The following FAM107B variants were observed in gnomAD, a reference collection of about 807,000 sequenced individuals.
FAM107B encodes family with sequence similarity 107 member B.
In FAM107B, 21 loss-of-function variants were observed where a neutral mutation model predicts 31.5. The observed-to-expected ratio is 0.67, with a 90% CI of 0.47 to 0.96. The LOEUF (loss-of-function observed/expected upper bound fraction) is 0.96, where lower values mean the gene tolerates loss of function less well. Among genes scored for constraint, FAM107B ranks in the 40% least tolerant of loss-of-function variants. FAM107B has a pLI of 0.00. For missense variants in FAM107B, 452 were observed against 377.1 expected, an observed-to-expected ratio of 1.20 and a Z score of -1.64; for synonymous variants, 157 against 141.5, an observed-to-expected ratio of 1.11 and a Z score of -0.78.
intron 2 of FAM107B, among the ~76,000 whole-genome samples, chr10:14,602,204 A>C (rs572210680): frequency 6.6e-6 from 1 of 152,312 alleles, no homozygotes; most frequent in Admixed American, 6.5e-5. Flanking sequence ...CACTCCCCTG[A>C]GCGTGTGTGC....
At chr10:14,585,852 G>A (rs532235882) in intron 2 of FAM107B, among the ~76,000 whole-genome samples, 3 of 152,146 alleles carry the variant, frequency 2.0e-5, no homozygotes, top group East Asian at 1.9e-4. Context: ...ATTAATTGTC[G>A]ACCACAGCAG....
rs541743020 is a variant in FAM107B at position 14,520,891 on chromosome 10, G to C, written c.*299C>G. On this transcript the variant is annotated 3_prime_UTR_variant, in exon 5 of 5. Transcript: ENST00000181796. ...GTGCAACTCTCAAGAATTGATTCCA[G>C]TGTCCTCTTCCTTTTTCCTGTTCTC... 17 of 296,090 alleles carry C rather than the reference G, an allele frequency of 5.7e-5. No individual in the cohort carries two copies. The highest frequency in any genetic ancestry group is 9.3e-4 in the Middle Eastern group (1 of 1,076). The allele number at this position is 296,090 out of a possible 1,614,324, so 18.3% of individuals were successfully genotyped here.
At chr10:14,541,650 T>C (rs557141293) in intron 2 of FAM107B, among the ~76,000 whole-genome samples, 42 of 152,328 alleles carry the variant, frequency 2.8e-4, no homozygotes, top group African/African-American at 1.0e-3. Context: ...TCCCCGCCTG[T>C]GGGCTAATTT....
intron 3 of FAM107B, among the ~76,000 whole-genome samples, chr10:14,524,176 G>C (rs1235817209): frequency 6.6e-6 from 1 of 151,970 alleles, no homozygotes; most frequent in Non-Finnish European, 1.5e-5. Context: ...CGAGGAGCTG[G>C]GATTACAGGT....
chr10:14,765,837 C>T (rs1423558775), intron 1 of FAM107B, among the ~76,000 whole-genome samples: 1 of 152,154 alleles, frequency 6.6e-6, no homozygotes, highest in Non-Finnish European at 1.5e-5. Flanking sequence ...AGGTTTCATT[C>T]TAAAGAAATG....
intron 2 of FAM107B, among the ~76,000 whole-genome samples, chr10:14,626,040 G>C (rs1853153023): frequency 6.6e-6 from 1 of 152,158 alleles, no homozygotes; most frequent in East Asian, 1.9e-4. Context: ...TTGGGATACT[G>C]GGTCCCCCCA....
At chr10:14,663,113 C>T (rs1854290823) in intron 2 of FAM107B, among the ~76,000 whole-genome samples, 1 of 152,216 alleles carries the variant, frequency 6.6e-6, no homozygotes, top group African/African-American at 2.4e-5. Context: ...GGCCTTACAC[C>T]AGTGGTTTGC....
rs1832935852 is a variant in FAM107B, at chr10:14,756,610, C to T, written c.411+17643G>A. Among the ~76,000 whole-genome samples, 4 of 152,178 alleles carry T rather than the reference C, an allele frequency of 2.6e-5. No homozygotes were observed. The South Asian group carries it at 8.3e-4, about 31-fold the overall frequency. On this transcript the variant is annotated intron_variant, in intron 1 of 4. Coordinates refer to ENST00000181796, the MANE Select transcript of FAM107B (RefSeq NM_031453.4). ...CATTGTGGAGGACAGTGTGGTGATT[C>T]TTCAAAGACTTAAAGACAGAAATAC...
At chr10:14,648,602 C>A (rs1203610604) in intron 2 of FAM107B, among the ~76,000 whole-genome samples, 2 of 152,204 alleles carry the variant, frequency 1.3e-5, no homozygotes, top group Non-Finnish European at 2.9e-5. Context: ...AGTGAATGGG[C>A]ATCTTGTGTT....
intron 1 of FAM107B, among the ~76,000 whole-genome samples, chr10:14,703,699 C>T (rs1398495681): frequency 6.6e-6 from 1 of 152,186 alleles, no homozygotes; most frequent in Non-Finnish European, 1.5e-5. Context: ...GACACTGACT[C>T]ATTTTAAGTC....
intron 1 of FAM107B, among the ~76,000 whole-genome samples, chr10:14,707,997 A>G (rs147399711): frequency 6.6e-6 from 1 of 152,192 alleles, no homozygotes; most frequent in African/African-American, 2.4e-5. Flanking sequence ...AAATTGTCCT[A>G]ACAATTATGT....
At chr10:14,767,053 TATAGAGAGAGAGAGAGAG>T (rs1234307268) in intron 1 of FAM107B, among the ~76,000 whole-genome samples, 17 of 26,400 alleles carry the variant, frequency 6.4e-4, no homozygotes, top group African/African-American at 2.2e-3. Flanking sequence ...TATATATATA[TATAGAGAGAGAGAGAGAG>T]AGAGAGAGAG....
At chr10:14,555,017 T>C (rs891947286) in intron 2 of FAM107B, among the ~76,000 whole-genome samples, 1 of 152,214 alleles carries the variant, frequency 6.6e-6, no homozygotes, top group South Asian at 2.1e-4. Flanking sequence ...AAATTATTAG[T>C]TGTCATAGCA....
intron 2 of FAM107B, among the ~76,000 whole-genome samples, chr10:14,614,054 G>A (rs562483854): frequency 2.6e-5 from 4 of 152,032 alleles, no homozygotes; most frequent in Non-Finnish European, 2.9e-5. Flanking sequence ...TCGCTTGAAC[G>A]TGGGAGGCAG....
intron 2 of FAM107B, among the ~76,000 whole-genome samples, chr10:14,624,410 G>A (rs1853099977): frequency 6.6e-6 from 1 of 152,186 alleles, no homozygotes; most frequent in South Asian, 2.1e-4. Flanking sequence ...GCTGAGGAGG[G>A]TGGATCATTT....
Position 14,616,753 on chromosome 10 carries a change from C to A in FAM107B, c.469+50881G>T, listed in dbSNP as rs1265384334. ...GCCTGGGCAACATGGGGAAACCCTG[C>A]CTCTGCACAAAAAATACAAAAATTA... On this transcript the variant is annotated intron_variant, in intron 2 of 4. Coordinates refer to ENST00000181796, the MANE Select transcript of FAM107B (RefSeq NM_031453.4). Among the ~76,000 whole-genome samples, 11 of 152,148 alleles carry A rather than the reference C, an allele frequency of 7.2e-5. No individual in the cohort carries two copies. The East Asian group carries it at 2.1e-3, about 29-fold the overall frequency.
intron 2 of FAM107B, among the ~76,000 whole-genome samples, chr10:14,633,648 T>C (rs1374259170): frequency 6.6e-6 from 1 of 152,218 alleles, no homozygotes; most frequent in Non-Finnish European, 1.5e-5. Flanking sequence ...AATTAAATAA[T>C]ATTCAGTAGG....
chr10:14,674,479 T>C (rs913734677), intron 1 of FAM107B, among the ~76,000 whole-genome samples: 4 of 152,132 alleles, frequency 2.6e-5, no homozygotes, highest in African/African-American at 9.7e-5. Context: ...ACCACTTTGT[T>C]TTTCTCTGCA....
At chr10:14,574,422 C>A (rs1312773122) in intron 2 of FAM107B, among the ~76,000 whole-genome samples, 5 of 152,220 alleles carry the variant, frequency 3.3e-5, no homozygotes, top group African/African-American at 9.7e-5. Flanking sequence ...GTGCCCTGGG[C>A]AAACAGCATT....
Sources: gnomAD v4.1 joint callset for allele counts (sites outside exome capture counted in the v4.1 genomes callset) on GRCh38, gnomAD v4.1.1 for gene constraint, MANE v1.5 for transcripts, NCBI Gene and HGNC (gene_info 2026-07-23, HGNC 2026-07-21) for gene names.